Variants in ECT2L observed in about 807,000 individuals in gnomAD.
ECT2L encodes the protein epithelial cell transforming 2 like.
Under a neutral mutation model 122.8 loss-of-function variants are expected in ECT2L, and 126 were observed. The ratio of observed to expected loss-of-function variants is 1.03; its 90% confidence interval spans 0.89 to 1.19. The LOEUF (loss-of-function observed/expected upper bound fraction) is 1.19. Among genes scored for constraint, ECT2L ranks in the 50% most tolerant of loss-of-function variants. The probability of loss-of-function intolerance (pLI) is 0.00; values close to 1 mark genes in which losing one functional copy is unlikely to be tolerated. For synonymous variants in ECT2L, 385 were observed against 381.8 expected (o/e 1.01, Z -0.10); for missense variants, 1,012 against 1,064.1 (o/e 0.95, Z 0.68).
At chr6:138,888,435 C>A (rs893236052) in intron 19 of ECT2L, among the ~76,000 whole-genome samples, 2 of 151,462 alleles carry the variant, frequency 1.3e-5, no homozygotes, top group African/African-American at 2.4e-5. Flanking sequence ...TCCTGCCTCC[C>A]AAGTAGCTAG....
At chr6:138,840,635 A>C (rs1316066486) in intron 5 of ECT2L, among the ~76,000 whole-genome samples, 2 of 151,656 alleles carry the variant, frequency 1.3e-5, no homozygotes, top group Non-Finnish European at 2.9e-5. Flanking sequence ...TTTTCTTGAG[A>C]AGTCAGAAGT....
chr6:138,885,530 C>G lies in ECT2L; in HGVS notation c.2053C>G (p.Arg685Gly). The change falls in exon 17 of 22, where the codon CGA becomes GGA. Residue 685 changes from arginine (R) to glycine (G), a missense_variant. By Grantham distance (125) the Arg-to-Gly change is moderately radical. Transcript: ENST00000541398. ...GTGCAGAGAAATGATACCAGCATTC[C>G]GAACTTTCCTGAAGAGGCATGATAA... ...EKCREMIPAF[R>G]TFLKRHDKTI... is the part of the protein sequence containing the mutation. 1 of 1,614,072 alleles carries G rather than the reference C, an allele frequency of 6.2e-7. No individual in the cohort carries two copies. The highest frequency in any genetic ancestry group is 8.5e-7 in the Non-Finnish European group (1 of 1,180,018).
rs984558140 is a variant in ECT2L, at chr6:138,834,976, G to C, written c.180-3376G>C. 6.0e-5 allele frequency among the ~76,000 whole-genome samples: 9 copies of C among 149,848 alleles called. No homozygotes were observed. The Admixed American group carries it at 6.0e-4, about 10-fold the overall frequency. On this transcript the variant is annotated intron_variant, in intron 4 of 21. Coordinates refer to ENST00000541398, the MANE Select transcript of ECT2L (RefSeq NM_001077706.3). ...TCTGTCTCTTTCCTCACAACGGCCTGCCAACAGGTTCATTTTACGCCACTC... is the reference window on the plus strand; with the variant it reads ...TCTGTCTCTTTCCTCACAACGGCCTCCCAACAGGTTCATTTTACGCCACTC...
chr6:138,883,907 G>A (rs1778723422), intron 16 of ECT2L, among the ~76,000 whole-genome samples: 1 of 152,166 alleles, frequency 6.6e-6, no homozygotes, highest in South Asian at 2.1e-4. Flanking sequence ...CTGTCACCTA[G>A]GCTGGAGTGC....
intron 6 of ECT2L, among the ~76,000 whole-genome samples, chr6:138,843,435 G>A (rs1777113544): frequency 6.6e-6 from 1 of 152,154 alleles, no homozygotes; most frequent in African/African-American, 2.4e-5. Flanking sequence ...AAATACATAA[G>A]GTTAAATATC....
chr6:138,847,579 G>A (rs762487789), intron 8 of ECT2L, among the ~76,000 whole-genome samples: 6 of 144,708 alleles, frequency 4.1e-5, no homozygotes, highest in African/African-American at 7.7e-5. Context: ...GGGTTTAGCC[G>A]TGTTAGCCAG....
intron 1 of ECT2L, among the ~76,000 whole-genome samples, chr6:138,797,735 C>T (rs895598168): frequency 6.6e-6 from 1 of 152,182 alleles, no homozygotes; most frequent in Non-Finnish European, 1.5e-5. Context: ...GGAATTTCTT[C>T]CCACCGACAA....
chr6:138,851,613 A>G (rs924843248), intron 9 of ECT2L, among the ~76,000 whole-genome samples: 1 of 147,558 alleles, frequency 6.8e-6, no homozygotes, highest in African/African-American at 2.5e-5. Context: ...CCATTTGGTT[A>G]TCTTCTTCAG....
In ECT2L at chr6:138,843,159, G is replaced by A; in HGVS notation, c.523G>A (p.Glu175Lys). The change falls in exon 6 of 22, where the codon GAG becomes AAG. Residue 175 changes from glutamate (E) to lysine (K), a missense_variant. By Grantham distance (56) the Glu-to-Lys change is moderately conservative. Transcript: ENST00000541398. Reference protein sequence around the residue: ...GTLNEPKTEDEELLERQREKC... With the variant: ...GTLNEPKTEDKELLERQREKC... ...GCTGAATGAACCCAAAACAGAAGAT[G>A]AGGAACTACTGGAGAGACAAAGAGA... 2 of 1,614,034 alleles carry A rather than the reference G, an allele frequency of 1.2e-6. No individual in the cohort carries two copies. The highest frequency in any genetic ancestry group is 1.7e-6 in the Non-Finnish European group (2 of 1,179,916).
chr6:138,840,993 CCTAT>C (rs1777021217), intron 5 of ECT2L, among the ~76,000 whole-genome samples: 1 of 152,210 alleles, frequency 6.6e-6, no homozygotes, highest in South Asian at 2.1e-4. Context: ...TTTCTTTGGA[CCTAT>C]CTTTCAGTTT....
At position 138,809,419 on chromosome 6, in the gene ECT2L, T is replaced by G. The variant is rs115871916; in HGVS notation, c.-243-3419T>G. 2.0e-3 allele frequency among the ~76,000 whole-genome samples: 302 copies of G among 152,252 alleles called. 2 individuals are homozygous for G. Among genetic ancestry groups the G allele is most frequent in the African/African-American group, 7.1e-3 (293 of 41,546 alleles). ...AGGTTGAGGCTGCAATGAGCTAAGA[T>G]CAAGCCACTGCACTCCAGCCTGGGC... On this transcript the variant is annotated intron_variant, in intron 1 of 21. Coordinates refer to ENST00000541398, the MANE Select transcript of ECT2L (RefSeq NM_001077706.3).
At position 138,901,069 on chromosome 6, in the gene ECT2L, G is replaced by C. The variant is rs1779380701; in HGVS notation, c.2536G>C (p.Ala846Pro). 1.2e-6 allele frequency: 2 copies of C among 1,614,068 alleles called. No individual in the cohort carries two copies. The highest frequency in any genetic ancestry group is 1.7e-6 in the Non-Finnish European group (2 of 1,180,014). The part of the protein sequence containing the change: ...RTSKTTYQFI[A>P]SVALHRLLIE... Reference sequence around the variant, plus strand: ...TTCAAAAACAACCTACCAGTTCATTGCATCAGTGGCCCTTCATCGGTTACT... The same window carrying C: ...TTCAAAAACAACCTACCAGTTCATTCCATCAGTGGCCCTTCATCGGTTACT... Residue 846 changes from alanine to proline, a missense_variant, in exon 21 of 22, where the codon GCA becomes CCA. By Grantham distance (27) the Ala-to-Pro change is conservative (BLOSUM62 -1). Transcript: ENST00000541398.
chr6:138,849,395 T>A lies in ECT2L; in HGVS notation c.1030T>A (p.Phe344Ile), dbSNP rs1157401072. 1 of 1,613,758 alleles carries A rather than the reference T, an allele frequency of 6.2e-7. No homozygotes were observed. Among genetic ancestry groups the A allele is most frequent in the Non-Finnish European group, 8.5e-7 (1 of 1,179,932 alleles). Residue 344 changes from phenylalanine (F) to isoleucine (I), a missense_variant, in exon 9 of 22, where the codon TTT becomes ATT. Physicochemically the swap from Phe to Ile is conservative, Grantham distance 21. Transcript: ENST00000541398. ...GCAGAAGGCACAGAGCATCGGAATA[T>A]TTAGCGATGGAGACAGCAGAGAAAT... The part of the protein sequence containing the change: ...DGQKAQSIGI[F>I]SDGDSREINL...
chr6:138,871,605 A>G (rs1188853), intron 13 of ECT2L, among the ~76,000 whole-genome samples: 33,566 of 151,996 alleles, frequency 0.22, 3,929 homozygotes, highest in Non-Finnish European at 0.24. Context: ...CAGGAATTTG[A>G]GACCAGCCTG....
At chr6:138,887,034 T>C (rs535286573) in intron 19 of ECT2L, 112 bp downstream of exon 19, 6 of 841,234 alleles carry the variant, frequency 7.1e-6, no homozygotes, top group African/African-American at 3.4e-5. Flanking sequence ...GAATGCCTGC[T>C]ACGTGCCAGG....
At chr6:138,886,272 T>C (rs1434317974) in intron 18 of ECT2L, among the ~76,000 whole-genome samples, 1 of 152,214 alleles carries the variant, frequency 6.6e-6, no homozygotes, top group Admixed American at 6.5e-5. Flanking sequence ...GAAAATATTA[T>C]TATTATATTG....
At chr6:138,894,042 T>A (rs1262345456) in intron 20 of ECT2L, among the ~76,000 whole-genome samples, 1 of 152,154 alleles carries the variant, frequency 6.6e-6, no homozygotes, top group African/African-American at 2.4e-5. Flanking sequence ...AATTACCAAC[T>A]TCCAAGCTCT....
At chr6:138,890,956 A>G (rs1005829421) in intron 20 of ECT2L, among the ~76,000 whole-genome samples, 3 of 152,314 alleles carry the variant, frequency 2.0e-5, no homozygotes, top group Middle Eastern at 3.4e-3. Context: ...TATAGGTAAT[A>G]GAAGCCAACA....
In ECT2L at chr6:138,902,436, C is replaced by T. The variant is rs533761736; in HGVS notation, c.2588-64C>T. Reference sequence around the variant, plus strand: ...AAAGATGATGATTTTTGAGTATTAACATTTTTTCTCATTTTGATTGTTATC... The same window carrying T: ...AAAGATGATGATTTTTGAGTATTAATATTTTTTCTCATTTTGATTGTTATC... On this transcript the variant is annotated intron_variant, in intron 21 of 21. Transcript: ENST00000541398. 4.8e-6 allele frequency: 7 copies of T among 1,471,474 alleles called. No homozygotes were observed. In the East Asian group the frequency reaches 1.2e-4, roughly 24 times the overall value. The allele number at this position is 1,471,474 out of a possible 1,614,324, so 91.2% of individuals were successfully genotyped here. A position where few individuals can be genotyped will look rare whatever the true frequency, so the allele number is the denominator to read the frequency against.
Sources: gnomAD v4.1 joint callset for allele counts (sites outside exome capture counted in the v4.1 genomes callset) on GRCh38, gnomAD v4.1.1 for gene constraint, MANE v1.5 for transcripts, NCBI Gene and HGNC (gene_info 2026-07-23, HGNC 2026-07-21) for gene names.